Variants in AFF1 observed in about 807,000 individuals in gnomAD.
AFF1 encodes the protein ALF transcription elongation factor 1.
A neutral mutation model predicts 121.7 loss-of-function variants in AFF1; 48 were observed. The observed-to-expected ratio is 0.39, with a 90% CI of 0.31 to 0.50. AFF1 has a LOEUF of 0.50. AFF1 is among the 20% of genes least tolerant of loss of function. The pLI is 0.76. For missense variants in AFF1, 1,523 were observed against 1,511.7 expected, an observed-to-expected ratio of 1.01 and a Z score of -0.12; for synonymous variants, 613 against 563.0, an observed-to-expected ratio of 1.09 and a Z score of -1.26.
intron 2 of AFF1, among the ~76,000 whole-genome samples, chr4:86,970,093 G>GT (rs1245183926): frequency 6.6e-6 from 1 of 151,866 alleles, no homozygotes; most frequent in African/African-American, 2.4e-5. Flanking sequence ...TAATTATTTA[G>GT]TTTTTTTAAT....
chr4:86,990,211 G>C (rs1165691645), intron 2 of AFF1, among the ~76,000 whole-genome samples: 1 of 151,800 alleles, frequency 6.6e-6, no homozygotes, highest in African/African-American at 2.4e-5. Context: ...GGCCAGGTGG[G>C]GTGGCTTATG....
chr4:86,955,782 A>C (rs1721695169), intron 2 of AFF1, among the ~76,000 whole-genome samples: 1 of 152,142 alleles, frequency 6.6e-6, no homozygotes, highest in South Asian at 2.1e-4. Context: ...ATTTGCTGAG[A>C]TGCTTTTCAG....
chr4:87,074,454 T>G (rs758268858), intron 4 of AFF1, among the ~76,000 whole-genome samples: 12 of 152,254 alleles, frequency 7.9e-5, no homozygotes, highest in Non-Finnish European at 1.3e-4. Flanking sequence ...CTGATTCCCC[T>G]TATTACGTGG....
intron 2 of AFF1, among the ~76,000 whole-genome samples, chr4:87,027,080 G>C (rs1728598991): frequency 1.3e-5 from 2 of 152,236 alleles, no homozygotes; most frequent in African/African-American, 4.8e-5. Context: ...TTCCCAAGTA[G>C]AGAAAAGTAT....
intron 2 of AFF1, among the ~76,000 whole-genome samples, chr4:86,951,434 G>A (rs1265017183): frequency 5.3e-5 from 8 of 151,552 alleles, no homozygotes; most frequent in Non-Finnish European, 1.2e-4. Context: ...TCTCTGCACA[G>A]CCAGATTCAC....
chr4:87,106,005 A>G lies in AFF1; in HGVS notation c.1376+160A>G, dbSNP rs549537355. 3.7e-4 allele frequency among the ~76,000 whole-genome samples: 57 copies of G among 152,328 alleles called. No individual in the cohort carries two copies. The South Asian group carries it at 0.012, about 32-fold the overall frequency. ...ACCTGTTTAATATTTTGGAAGCTTAAATCAGCCATAGGGAGGTTGTTAACC... is the reference window on the plus strand; with the variant it reads ...ACCTGTTTAATATTTTGGAAGCTTAGATCAGCCATAGGGAGGTTGTTAACC... On this transcript the variant is annotated intron_variant, in intron 10 of 20. Coordinates refer to ENST00000395146, the MANE Select transcript of AFF1 (RefSeq NM_001166693.3).
chr4:87,099,667 C>G (rs2149733783), intron 8 of AFF1, among the ~76,000 whole-genome samples: 1 of 152,362 alleles, frequency 6.6e-6, no homozygotes, highest in East Asian at 1.9e-4. Flanking sequence ...CCTTGGCCTC[C>G]CAAAGTGCTT....
chr4:87,104,556 G>C (rs1725721162), intron 8 of AFF1, among the ~76,000 whole-genome samples: 1 of 152,096 alleles, frequency 6.6e-6, no homozygotes, highest in African/African-American at 2.4e-5. Flanking sequence ...TCATGTAGGC[G>C]GTCATTTACG....
intron 4 of AFF1, among the ~76,000 whole-genome samples, chr4:87,059,878 A>G (rs1017687839): frequency 5.3e-5 from 8 of 152,284 alleles, no homozygotes; most frequent in Non-Finnish European, 8.8e-5. Context: ...TGTGTCTCAT[A>G]TGCTTGTTTG....
chr4:87,050,757 A>C (rs1731182436), intron 4 of AFF1, among the ~76,000 whole-genome samples: 1 of 152,210 alleles, frequency 6.6e-6, no homozygotes, highest in Non-Finnish European at 1.5e-5. Flanking sequence ...TGAAGTGACC[A>C]ATCTGAGGCC....
chr4:87,020,342 C>T (rs1727771475), intron 2 of AFF1, among the ~76,000 whole-genome samples: 1 of 152,138 alleles, frequency 6.6e-6, no homozygotes, highest in Non-Finnish European at 1.5e-5. Context: ...TTTCAGAGTC[C>T]AGAGATAAAT....
At chr4:87,053,563 G>A (rs1283408967) in intron 4 of AFF1, among the ~76,000 whole-genome samples, 2 of 152,184 alleles carry the variant, frequency 1.3e-5, no homozygotes, top group Non-Finnish European at 2.9e-5. Flanking sequence ...TTTACTTCTG[G>A]ATATGCCGAT....
intron 2 of AFF1, among the ~76,000 whole-genome samples, chr4:87,013,719 A>G (rs1219929301): frequency 6.6e-6 from 1 of 151,730 alleles, no homozygotes; most frequent in East Asian, 1.9e-4. Context: ...CAACTAAACA[A>G]ATAAAAAGTA....
rs536608721 is a variant in AFF1, at chr4:87,127,178, C to A, written c.2903+61C>A. On this transcript the variant is annotated intron_variant, in intron 15 of 20. Transcript: ENST00000395146. ...GTTTTGTTTTGCTTCCCCCCCCCAC[C>A]AAGATAGAGTCTCACTCTGTCACCC... The A allele has an allele frequency of 1.9e-3, 2,434 of 1,298,818 alleles. 112 individuals carry two copies. In the South Asian group the frequency reaches 0.027, roughly 14 times the overall value. The allele number at this position is 1,298,818 out of a possible 1,614,324, so 80.5% of individuals were successfully genotyped here.
chr4:87,102,409 G>A (rs1384374390), intron 8 of AFF1, among the ~76,000 whole-genome samples: 1 of 152,068 alleles, frequency 6.6e-6, no homozygotes, highest in African/African-American at 2.4e-5. Context: ...GGTGGGTTCT[G>A]GAATTTAGAT....
At position 87,078,488 on chromosome 4, in the gene AFF1, A is replaced by G. The variant is rs552893021; in HGVS notation, c.1060-5632A>G. ...ATCTAGAGGGAGTAGAGAGGATGCAATAACAGAGAATGTACGGATAGTTAC... is the reference window on the plus strand; with the variant it reads ...ATCTAGAGGGAGTAGAGAGGATGCAGTAACAGAGAATGTACGGATAGTTAC... On this transcript the variant is annotated intron_variant, in intron 4 of 20. Transcript: ENST00000395146. Among the ~76,000 whole-genome samples the G allele has an allele frequency of 1.0e-3, 156 of 152,318 alleles. 1 individual carries two copies. The highest frequency in any genetic ancestry group is 1.9e-3 in the Admixed American group (29 of 15,300).
rs114792034 is a variant in AFF1, at chr4:87,062,572, G to A, written c.1059+14978G>A. The stretch of plus-strand genomic sequence containing the variant: ...AGAGTTTGAATTATAGCACTTAAAT[G>A]GTGGTGCTGTTTACAATACCAAGTC... On this transcript the variant is annotated intron_variant, in intron 4 of 20. Transcript: ENST00000395146. Among the ~76,000 whole-genome samples, 183 of 152,226 alleles carry A rather than the reference G, an allele frequency of 1.2e-3. 2 individuals carry two copies. The highest frequency in any genetic ancestry group is 4.3e-3 in the African/African-American group (177 of 41,534).
rs1425386667 is a variant in AFF1 at position 87,138,803 on chromosome 4, A to G, written c.*3102A>G. 1.7e-5 allele frequency: 4 copies of G among 229,402 alleles called. No individual in the cohort carries two copies. The highest frequency in any genetic ancestry group is 5.7e-5 in the Admixed American group (1 of 17,658). 14.2% of individuals were successfully genotyped at this position (229,402 alleles called of 1,614,324 possible). A position where few individuals can be genotyped will look rare whatever the true frequency, so the allele number is the denominator to read the frequency against. ...ATTTGATTACAATACTGAATGGGAAAAGTATCTAATATTTTGTAACAAAAA... is the reference window on the plus strand; with the variant it reads ...ATTTGATTACAATACTGAATGGGAAGAGTATCTAATATTTTGTAACAAAAA... On this transcript the variant is annotated 3_prime_UTR_variant, in exon 21 of 21. Coordinates refer to ENST00000395146, the MANE Select transcript of AFF1 (RefSeq NM_001166693.3).
intron 7 of AFF1, among the ~76,000 whole-genome samples, chr4:87,093,089 CCTTTTAG>C (rs1370670380): frequency 6.6e-6 from 1 of 152,156 alleles, no homozygotes; most frequent in African/African-American, 2.4e-5. Flanking sequence ...TTTGATTTCC[CCTTTTAG>C]CAAAATATAG....
Sources: gnomAD v4.1 joint callset for allele counts (sites outside exome capture counted in the v4.1 genomes callset) on GRCh38, gnomAD v4.1.1 for gene constraint, MANE v1.5 for transcripts, NCBI Gene and HGNC (gene_info 2026-07-23, HGNC 2026-07-21) for gene names.